WWOX: variants seen among roughly 807,000 people sequenced by gnomAD.
The protein encoded by WWOX is WW domain containing oxidoreductase, also known as WW domain-containing oxidoreductase.
Under a neutral mutation model 46.2 loss-of-function variants are expected in WWOX, and 69 were observed. That is an observed-to-expected ratio of 1.49 (90% CI 1.23 to 1.82). The LOEUF (loss-of-function observed/expected upper bound fraction) is 1.82, where lower values mean the gene tolerates loss of function less well. Ranked by LOEUF, WWOX falls within the 40% of genes most tolerant of loss-of-function variation. The pLI is 0.00. For missense variants in WWOX, 919 were observed against 542.6 expected (o/e 1.69, Z -6.89); for synonymous variants, 359 against 202.6 (o/e 1.77, Z -6.56).
At chr16:79,191,745 T>C (rs1324103748) in intron 8 of WWOX, among the ~76,000 whole-genome samples, 5 of 152,186 alleles carry the variant, frequency 3.3e-5, no homozygotes, top group African/African-American at 1.2e-4. Flanking sequence ...CCAAAAGTAG[T>C]GGAGCCTCAA....
At chr16:78,385,622 A>C (rs1162970860) in intron 5 of WWOX, among the ~76,000 whole-genome samples, 2 of 152,140 alleles carry the variant, frequency 1.3e-5, no homozygotes, top group East Asian at 1.9e-4. Flanking sequence ...AATTACGCTG[A>C]ACGTCTCAGC....
chr16:78,877,212 T>G (rs1186288020), intron 8 of WWOX, among the ~76,000 whole-genome samples: 1 of 152,140 alleles, frequency 6.6e-6, no homozygotes, highest in African/African-American at 2.4e-5. Flanking sequence ...TATATCCCAT[T>G]TCAGGCTGAT....
intron 5 of WWOX, among the ~76,000 whole-genome samples, chr16:78,227,797 A>G (rs557428066): frequency 5.7e-4 from 86 of 152,208 alleles, no homozygotes; most frequent in African/African-American, 1.5e-3. Flanking sequence ...GAATCGCTTG[A>G]ACTCGGGAGG....
At chr16:78,202,626 TG>T (rs1016796404) in intron 5 of WWOX, among the ~76,000 whole-genome samples, 2 of 152,184 alleles carry the variant, frequency 1.3e-5, no homozygotes, top group African/African-American at 4.8e-5. Flanking sequence ...AAAATTTCAT[TG>T]GGAAAGAAAT....
chr16:78,487,614 G>T (rs1249758162), intron 8 of WWOX, among the ~76,000 whole-genome samples: 1 of 152,078 alleles, frequency 6.6e-6, no homozygotes, highest in African/African-American at 2.4e-5. Context: ...TTTGTACTGG[G>T]CATCTGTCCT....
intron 8 of WWOX, among the ~76,000 whole-genome samples, chr16:78,608,493 C>G (rs955510468): frequency 3.9e-5 from 6 of 152,188 alleles, no homozygotes; most frequent in African/African-American, 1.4e-4. Flanking sequence ...TTTTCCCTTT[C>G]AGCAGGGAAA....
intron 8 of WWOX, among the ~76,000 whole-genome samples, chr16:78,448,006 A>T (rs1265312883): frequency 6.6e-6 from 1 of 151,980 alleles, no homozygotes; most frequent in Non-Finnish European, 1.5e-5. Flanking sequence ...GTTTCACCAT[A>T]CTGGCCCAGC....
chr16:78,220,126 G>T (rs529835711), intron 5 of WWOX, among the ~76,000 whole-genome samples: 3 of 152,106 alleles, frequency 2.0e-5, no homozygotes, highest in African/African-American at 7.2e-5. Context: ...TTTATTCGGG[G>T]TACTCCCTCA....
At chr16:78,386,455 G>T (rs1161457331) in intron 5 of WWOX, among the ~76,000 whole-genome samples, 3 of 152,132 alleles carry the variant, frequency 2.0e-5, no homozygotes, top group African/African-American at 7.2e-5. Flanking sequence ...TCAGAACCTG[G>T]ATGGCAGCTT....
At chr16:78,385,311 C>G (rs1056615067) in intron 5 of WWOX, among the ~76,000 whole-genome samples, 1 of 152,122 alleles carries the variant, frequency 6.6e-6, no homozygotes, top group East Asian at 1.9e-4. Flanking sequence ...CCCAGACTAC[C>G]ATTTATTGCC....
chr16:79,056,877 G>A (rs764339698), intron 8 of WWOX, among the ~76,000 whole-genome samples: 5 of 152,222 alleles, frequency 3.3e-5, no homozygotes, highest in Non-Finnish European at 7.3e-5. Context: ...GAGCCTTTCA[G>A]GCAGGCTGGG....
chr16:78,433,634 T>C (rs2083271434), intron 8 of WWOX, among the ~76,000 whole-genome samples: 1 of 152,106 alleles, frequency 6.6e-6, no homozygotes, highest in African/African-American at 2.4e-5. Context: ...AGGATATTAA[T>C]AAAACAAAGC....
chr16:78,739,505 T>C lies in WWOX; in HGVS notation c.1056+306753T>C, dbSNP rs374099258. Among the ~76,000 whole-genome samples, 109 of 152,214 alleles carry C rather than the reference T, an allele frequency of 7.2e-4. 1 individual carries two copies. The South Asian group carries it at 0.013, about 18-fold the overall frequency. On this transcript the variant is annotated intron_variant, in intron 8 of 8. Coordinates refer to ENST00000566780, the MANE Select transcript of WWOX (RefSeq NM_016373.4). ...GACAACAGGTCGGTAAGAAGAGGGC[T>C]GGGCTGAGTGTAAAGAAATTCCTTG...
rs747875240 is a variant in WWOX, at chr16:79,211,595, C to G, written c.1057-13C>G. On this transcript the variant is annotated splice_polypyrimidine_tract_variant and intron_variant, in intron 8 of 8. Coordinates refer to ENST00000566780, the MANE Select transcript of WWOX (RefSeq NM_016373.4). ...CTTAAAATTTTTTTTTGTCTTTCTT[C>G]TTGGATTTCCAGCAACAGGGAGCTG... 1 of 1,614,018 alleles carries G rather than the reference C, an allele frequency of 6.2e-7. No individual in the cohort carries two copies. The highest frequency in any genetic ancestry group is 2.2e-5 in the East Asian group (1 of 44,866).
chr16:78,132,130 T>C (rs2033624036), intron 4 of WWOX, among the ~76,000 whole-genome samples: 1 of 150,968 alleles, frequency 6.6e-6, no homozygotes, highest in African/African-American at 2.4e-5. Flanking sequence ...GTTCACGCCA[T>C]TCTCCTGCCT....
chr16:78,710,039 C>G (rs1415522933), intron 8 of WWOX, among the ~76,000 whole-genome samples: 3 of 152,048 alleles, frequency 2.0e-5, no homozygotes, highest in African/African-American at 7.2e-5. Flanking sequence ...CCGATAGTTG[C>G]CTTTCTTACC....
chr16:79,195,635 G>C (rs1486947919), intron 8 of WWOX, among the ~76,000 whole-genome samples: 3 of 152,192 alleles, frequency 2.0e-5, no homozygotes, highest in Non-Finnish European at 4.4e-5. Context: ...GTGCAGGGAT[G>C]GGGGAAAGGG....
intron 8 of WWOX, among the ~76,000 whole-genome samples, chr16:79,046,604 C>A (rs1305403048): frequency 6.6e-6 from 1 of 152,122 alleles, no homozygotes; most frequent in African/African-American, 2.4e-5. Context: ...CAGTTCCTCC[C>A]CAGTACACAG....
chr16:78,406,622 A>G (rs1428907478), intron 6 of WWOX, among the ~76,000 whole-genome samples: 1 of 143,158 alleles, frequency 7.0e-6, no homozygotes, highest in Non-Finnish European at 1.5e-5. Context: ...GTGCTGGGAT[A>G]TACATTTTTT....
Sources: gnomAD v4.1 joint callset for allele counts (sites outside exome capture counted in the v4.1 genomes callset) on GRCh38, gnomAD v4.1.1 for gene constraint, MANE v1.5 for transcripts, NCBI Gene and HGNC (gene_info 2026-07-23, HGNC 2026-07-21) for gene names.